The following AXIN1 variants were observed in gnomAD, a reference collection of about 807,000 sequenced individuals.
The protein encoded by AXIN1 is axin-1.
A neutral mutation model predicts 76.4 loss-of-function variants in AXIN1; 30 were observed. The ratio of observed to expected loss-of-function variants is 0.39; its 90% CI spans 0.29 to 0.53. AXIN1 has a LOEUF of 0.53. AXIN1 is among the 20% of genes least tolerant of loss of function. AXIN1 has a pLI of 0.66. For synonymous variants in AXIN1, 545 were observed against 501.4 expected, an observed-to-expected ratio of 1.09 and a Z score of -1.16; for missense variants, 1,140 against 1,198.8, an observed-to-expected ratio of 0.95 and a Z score of 0.72.
chr16:289,644 G>T (rs1462612865), intron 9 of AXIN1, 37 bp from the exon 10 acceptor site: 141 of 1,610,316 alleles, frequency 8.8e-5, no homozygotes, highest in Non-Finnish European at 1.2e-4. Context: ...CCTGGTTTTG[G>T]ACTGAGGTCC....
intron 3 of AXIN1, among the ~76,000 whole-genome samples, chr16:310,462 T>G (rs948085402): frequency 2.0e-5 from 3 of 152,118 alleles, no homozygotes; most frequent in Admixed American, 2.0e-4. Context: ...AGTGGCACAA[T>G]CTCGGCTCAC....
intron 7 of AXIN1, among the ~76,000 whole-genome samples, chr16:294,056 G>T (rs2052642596): frequency 6.6e-6 from 1 of 152,172 alleles, no homozygotes; most frequent in South Asian, 2.1e-4. Context: ...TGCTACTCTG[G>T]AGGCTGGGGC....
At chr16:289,824 GGTCTCCCTGCT>G (rs776426127) in intron 9 of AXIN1, 79 of 634,808 alleles carry the variant, frequency 1.2e-4, no homozygotes, top group Middle Eastern at 4.2e-4. Context: ...GGAGCACGAA[GGTCTCCCTGCT>G]GCCTCACAGC....
At chr16:304,468 G>A (rs776517410) in intron 4 of AXIN1, 27 bp from the exon 5 acceptor site, 7 of 1,612,344 alleles carry the variant, frequency 4.3e-6, no homozygotes, top group East Asian at 2.2e-5. Context: ...TGTGAGGCAC[G>A]GGGGTTGAAA....
chr16:295,246 T>A (rs2052679971), intron 7 of AXIN1, among the ~76,000 whole-genome samples: 1 of 151,558 alleles, frequency 6.6e-6, no homozygotes, highest in Non-Finnish European at 1.5e-5. Context: ...CTGGGATTAC[T>A]GGCACTCGCC....
In AXIN1 at chr16:293,140, C is replaced by A; in HGVS notation, c.2186+348G>T. 1 of 387,152 alleles carries A rather than the reference C, an allele frequency of 2.6e-6. No homozygotes were observed. The highest frequency in any genetic ancestry group is 4.8e-6 in the Non-Finnish European group (1 of 209,692). The allele number at this position is 387,152 out of a possible 1,614,324, so 24.0% of individuals were successfully genotyped here. A position where few individuals can be genotyped will look rare whatever the true frequency, so the allele number is the denominator to read the frequency against. On this transcript the variant is annotated intron_variant, in intron 8 of 10. Transcript: ENST00000262320. This position sits in a 1 kb window ranked among gnomAD's most constrained non-coding sequence, Gnocchi z 4.6. ...CAGGACCTCTGCCCTAAAGCCCAGGCTGCCCAGCAGCGAGCAGCCTCTGGC... is the reference window on the plus strand; with the variant it reads ...CAGGACCTCTGCCCTAAAGCCCAGGATGCCCAGCAGCGAGCAGCCTCTGGC...
At chr16:322,309 G>T (rs1055381863) in intron 2 of AXIN1, among the ~76,000 whole-genome samples, 2 of 152,232 alleles carry the variant, frequency 1.3e-5, no homozygotes, top group African/African-American at 2.4e-5. Context: ...GGCCCTGCTG[G>T]TAGTGCGGTC....
At chr16:325,666 G>A (rs1005854921) in intron 2 of AXIN1, among the ~76,000 whole-genome samples, 2 of 152,236 alleles carry the variant, frequency 1.3e-5, no homozygotes, top group East Asian at 3.8e-4. Flanking sequence ...CTGCCACAGC[G>A]TCGTGTGTAC....
chr16:347,502 T>G (rs1265482223), intron 1 of AXIN1, among the ~76,000 whole-genome samples: 1 of 152,132 alleles, frequency 6.6e-6, no homozygotes, highest in Non-Finnish European at 1.5e-5. Context: ...TGTACAAACC[T>G]GAGTGAGGGC....
chr16:289,115 G>T (rs534892369), intron 10 of AXIN1, among the ~76,000 whole-genome samples: 1 of 151,376 alleles, frequency 6.6e-6, no homozygotes, highest in Non-Finnish European at 1.5e-5. Context: ...TAGAGACAGA[G>T]TCTCGCTCTG....
In AXIN1 at chr16:338,324, C is replaced by G. The variant is rs184534410; in HGVS notation, c.878+7824G>C. On this transcript the variant is annotated intron_variant, in intron 2 of 10. Coordinates refer to ENST00000262320, the MANE Select transcript of AXIN1 (RefSeq NM_003502.4). ...CCACAGGGGCCCGCAGGGACACTTACCCCAAGCCCTCCAGAAACAGCTGCT... is the reference window on the plus strand; with the variant it reads ...CCACAGGGGCCCGCAGGGACACTTAGCCCAAGCCCTCCAGAAACAGCTGCT... 3.1e-3 allele frequency among the ~76,000 whole-genome samples: 470 copies of G among 152,358 alleles called. 3 individuals are homozygous for G. The highest frequency in any genetic ancestry group is 9.8e-3 in the African/African-American group (409 of 41,592).
At position 336,196 on chromosome 16, in the gene AXIN1, T is replaced by C. The variant is rs928982357; in HGVS notation, c.878+9952A>G. Reference sequence around the variant, plus strand: ...GTTGCAGTAAGCCAAGATGGTGCCATTGCACTCCAGCCTGGGATACAAGAG... The same window carrying C: ...GTTGCAGTAAGCCAAGATGGTGCCACTGCACTCCAGCCTGGGATACAAGAG... On this transcript the variant is annotated intron_variant, in intron 2 of 10. Coordinates refer to ENST00000262320, the MANE Select transcript of AXIN1 (RefSeq NM_003502.4). Among the ~76,000 whole-genome samples, 10 of 151,862 alleles carry C rather than the reference T, an allele frequency of 6.6e-5. No individual in the cohort carries two copies. In the East Asian group the frequency reaches 9.8e-4, roughly 15 times the overall value.
At chr16:319,533 C>A (rs1248052194) in intron 2 of AXIN1, among the ~76,000 whole-genome samples, 6 of 152,190 alleles carry the variant, frequency 3.9e-5, no homozygotes, top group Non-Finnish European at 7.3e-5. Context: ...AAATGAGAAG[C>A]CATGAGGCGG....
Position 333,257 on chromosome 16 carries a change from G to A in AXIN1, c.878+12891C>T, listed in dbSNP as rs544208786. Among the ~76,000 whole-genome samples, 3 of 151,722 alleles carry A rather than the reference G, an allele frequency of 2.0e-5. No individual in the cohort carries two copies. The South Asian group carries it at 6.2e-4, about 32-fold the overall frequency. ...TGAGGCAGGAGAATTGCTTGAACCC[G>A]GGAGGCAGCGGATGCAGTGAGCCGA... On this transcript the variant is annotated intron_variant, in intron 2 of 10. Coordinates refer to ENST00000262320, the MANE Select transcript of AXIN1 (RefSeq NM_003502.4).
intron 2 of AXIN1, among the ~76,000 whole-genome samples, chr16:325,194 C>G (rs953570805): frequency 3.3e-5 from 5 of 151,994 alleles, no homozygotes; most frequent in Non-Finnish European, 7.3e-5. Context: ...CCCACATATT[C>G]AACCCGGAAG....
chr16:329,687 A>G (rs1368118811), intron 2 of AXIN1, among the ~76,000 whole-genome samples: 4 of 149,468 alleles, frequency 2.7e-5, no homozygotes, highest in African/African-American at 5.0e-5. Context: ...GCAGTGGCGC[A>G]GTCTTGGCTC....
At chr16:291,530 C>T (rs1162752691) in intron 8 of AXIN1, 1 of 589,306 alleles carries the variant, frequency 1.7e-6, no homozygotes, top group East Asian at 2.9e-5. Flanking sequence ...GCACCAACCC[C>T]CTGAGTTCCC....
chr16:349,104 AAAAATAAAAT>A (rs56249181), intron 1 of AXIN1, among the ~76,000 whole-genome samples: 1,837 of 149,840 alleles, frequency 0.012, 27 homozygotes, highest in Non-Finnish European at 0.021. Context: ...TCTGTCTCAA[AAAAATAAAAT>A]AAAATAAAAT....
At chr16:308,487 C>T (rs1043597354) in intron 4 of AXIN1, among the ~76,000 whole-genome samples, 2 of 152,248 alleles carry the variant, frequency 1.3e-5, no homozygotes, top group Admixed American at 6.5e-5. Context: ...CAGAAGCCTC[C>T]CGCGGGCCTC....
Sources: gnomAD v4.1 joint callset for allele counts (sites outside exome capture counted in the v4.1 genomes callset) on GRCh38, gnomAD v4.1.1 for gene constraint, Gnocchi (gnomAD v3.1) non-coding constraint, MANE v1.5 for transcripts, NCBI Gene and HGNC (gene_info 2026-07-23, HGNC 2026-07-21) for gene names.